ACOT11: variants seen among roughly 807,000 people sequenced by gnomAD.
ACOT11 encodes acyl-coenzyme A thioesterase 11.
Under a neutral mutation model 77.5 loss-of-function variants are expected in ACOT11, and 69 were observed. That is an observed-to-expected ratio of 0.89 (90% CI 0.73 to 1.09). ACOT11 has a LOEUF of 1.09. Ranked by LOEUF, ACOT11 falls within the 50% of genes least tolerant of loss-of-function variation. The pLI, the probability that ACOT11 is intolerant of heterozygous loss-of-function variation, is 0.00. For synonymous variants in ACOT11, 279 were observed against 313.0 expected (o/e 0.89, Z 1.15); for missense variants, 766 against 813.7 (o/e 0.94, Z 0.71).
chr1:54,595,475 A>G (rs1019617591), intron 6 of ACOT11, among the ~76,000 whole-genome samples: 1 of 152,162 alleles, frequency 6.6e-6, no homozygotes, highest in African/African-American at 2.4e-5. Context: ...CTCAAAAGAT[A>G]AAATAAAAAG....
intron 1 of ACOT11, among the ~76,000 whole-genome samples, chr1:54,567,049 G>T (rs1312528214): frequency 6.6e-6 from 1 of 152,062 alleles, no homozygotes; most frequent in Non-Finnish European, 1.5e-5. Context: ...AAATCCTGTG[G>T]ATCTTAAATA....
chr1:54,557,903 G>A (rs1029893922), intron 1 of ACOT11, among the ~76,000 whole-genome samples: 2 of 152,136 alleles, frequency 1.3e-5, no homozygotes, highest in Non-Finnish European at 2.9e-5. Flanking sequence ...AGGACTTCCG[G>A]TATTACGTTG....
At position 54,597,338 on chromosome 1, in the gene ACOT11, C is replaced by G. The variant is rs1322390806; in HGVS notation, c.687C>G (p.Pro229=). Residue 229 remains proline (P), a synonymous_variant, in exon 7 of 16, where the codon CCC becomes CCG. Coordinates refer to ENST00000343744, the MANE Select transcript of ACOT11 (RefSeq NM_147161.4). ...RVESVELVLP[P]HANHQGNTFG... is the part of the protein sequence containing the mutation. ...AGAGTGTGGAGCTGGTCCTGCCTCC[C>G]CACGCCAATCACCAGGGCAACACCT... is the stretch of plus-strand genomic sequence containing the variant. The G allele has an allele frequency of 6.2e-7, 1 of 1,613,892 alleles. No individual in the cohort carries two copies. Among genetic ancestry groups the G allele is most frequent in the Non-Finnish European group, 8.5e-7 (1 of 1,180,002 alleles).
intron 15 of ACOT11, among the ~76,000 whole-genome samples, chr1:54,621,222 C>T (rs377277757): frequency 6.6e-6 from 1 of 151,320 alleles, no homozygotes; most frequent in East Asian, 1.9e-4. Context: ...TTTGGGAGAC[C>T]GAGGCAGGCG....
At chr1:54,570,805 C>T (rs1434236429) in intron 1 of ACOT11, among the ~76,000 whole-genome samples, 2 of 152,048 alleles carry the variant, frequency 1.3e-5, no homozygotes, top group South Asian at 4.1e-4. Context: ...CTCAGCCTAC[C>T]GAGTAGCTGG....
At chr1:54,586,769 GA>G (rs2100981565) in intron 3 of ACOT11, among the ~76,000 whole-genome samples, 1 of 152,128 alleles carries the variant, frequency 6.6e-6, no homozygotes, top group South Asian at 2.1e-4. Context: ...TGGCTGTACA[GA>G]ATAGAAGAAT....
chr1:54,612,405 C>T, downstream of ACOT11: 1 of 1,032,312 alleles, frequency 9.7e-7, no homozygotes, highest in South Asian at 1.4e-5. Context: ...CCTTTAAGAC[C>T]CTTCCAGCCA....
chr1:54,562,416 C>G (rs1458725291), intron 1 of ACOT11, among the ~76,000 whole-genome samples: 2 of 82,602 alleles, frequency 2.4e-5, no homozygotes, highest in East Asian at 7.0e-4. Flanking sequence ...CCTCACCTCC[C>G]GGACGGGGCG....
chr1:54,631,972 A>C (rs1022657356), intron 16 of ACOT11, among the ~76,000 whole-genome samples: 1 of 152,192 alleles, frequency 6.6e-6, no homozygotes, highest in African/African-American at 2.4e-5. Flanking sequence ...GGCAATGGCA[A>C]TGGCAGGACT....
At chr1:54,572,414 T>C (rs1275328622) in intron 1 of ACOT11, among the ~76,000 whole-genome samples, 1 of 152,196 alleles carries the variant, frequency 6.6e-6, no homozygotes, top group East Asian at 1.9e-4. Context: ...GCCTTGGCTG[T>C]CTGGCAGGTA....
At chr1:54,567,956 C>A (rs1417994124) in intron 1 of ACOT11, among the ~76,000 whole-genome samples, 1 of 152,208 alleles carries the variant, frequency 6.6e-6, no homozygotes, top group Non-Finnish European at 1.5e-5. Flanking sequence ...TTCTTCCCCT[C>A]ACACTTGGAG....
chr1:54,634,677 C>A (rs551400341), intron 16 of ACOT11: 2 of 701,494 alleles, frequency 2.9e-6, no homozygotes, highest in South Asian at 1.5e-5. Flanking sequence ...GTTATGCTTG[C>A]GTTTCTCCAG....
chr1:54,616,013 C>G, intron 15 of ACOT11: 1 of 1,613,184 alleles, frequency 6.2e-7, no homozygotes, highest in Non-Finnish European at 8.5e-7. Context: ...TCCAGAGAGG[C>G]CCTTACCCTT....
At chr1:54,600,939 T>G (rs1159296324) in intron 8 of ACOT11, among the ~76,000 whole-genome samples, 1 of 152,130 alleles carries the variant, frequency 6.6e-6, no homozygotes, top group African/African-American at 2.4e-5. Flanking sequence ...CTGGACAGGT[T>G]TATTCACTCT....
intron 16 of ACOT11, among the ~76,000 whole-genome samples, chr1:54,631,327 C>T (rs1644298697): frequency 6.6e-6 from 1 of 152,154 alleles, no homozygotes; most frequent in Non-Finnish European, 1.5e-5. Flanking sequence ...TACATTTGAG[C>T]CTTTTCCTTT....
intron 8 of ACOT11, among the ~76,000 whole-genome samples, chr1:54,599,958 C>T (rs987400482): frequency 6.6e-6 from 1 of 152,176 alleles, no homozygotes; most frequent in Non-Finnish European, 1.5e-5. Flanking sequence ...CTGCCGGATT[C>T]GAGTTTGGCT....
intron 15 of ACOT11, among the ~76,000 whole-genome samples, chr1:54,629,058 C>CAAAAAA (rs768933265): frequency 1.7e-4 from 6 of 35,992 alleles, no homozygotes; most frequent in Admixed American, 6.4e-4. Context: ...GACTCCGTCT[C>CAAAAAA]AAAAAAAAAA....
rs1433172660 is a variant in ACOT11 at position 54,594,706 on chromosome 1, G to C, written c.607+15G>C. 8 of 1,603,668 alleles carry C rather than the reference G, an allele frequency of 5.0e-6. No homozygotes were observed. Among genetic ancestry groups the C allele is most frequent in the Non-Finnish European group, 5.1e-6 (6 of 1,173,082 alleles). On this transcript the variant is annotated intron_variant, in intron 6 of 15. Transcript: ENST00000343744. ...CATTCAGGGCGGTGAGCAGCTGCCA[G>C]CTGTGCATGGGGAGGGTAGCTGGCG...
chr1:54,593,611 C>G (rs1212530721), intron 4 of ACOT11, among the ~76,000 whole-genome samples: 1 of 152,012 alleles, frequency 6.6e-6, no homozygotes, highest in Non-Finnish European at 1.5e-5. Context: ...TAAATTTAGC[C>G]AACATTCTGC....
Sources: gnomAD v4.1 joint callset for allele counts (sites outside exome capture counted in the v4.1 genomes callset) on GRCh38, gnomAD v4.1.1 for gene constraint, MANE v1.5 for transcripts, NCBI Gene and HGNC (gene_info 2026-07-23, HGNC 2026-07-21) for gene names.